The following PLD5 variants were observed in gnomAD, a reference collection of about 807,000 sequenced individuals.
PLD5 encodes the protein phospholipase D family member 5.
Under a neutral mutation model 61.1 loss-of-function variants are expected in PLD5, and 36 were observed. That is an observed-to-expected ratio of 0.59 (90% CI 0.45 to 0.78). The LOEUF (loss-of-function observed/expected upper bound fraction) is 0.78, where lower values mean the gene tolerates loss of function less well. Ranked by LOEUF, PLD5 falls within the 30% of genes least tolerant of loss-of-function variation. The pLI is 0.00. For synonymous variants in PLD5, 243 were observed against 242.8 expected (o/e 1.00, Z -0.01); for missense variants, 515 against 644.4 (o/e 0.80, Z 2.17).
intron 5 of PLD5, among the ~76,000 whole-genome samples, chr1:242,127,609 A>G (rs1427413012): frequency 6.6e-6 from 1 of 152,120 alleles, no homozygotes; most frequent in Non-Finnish European, 1.5e-5. Context: ...AACTATGAGG[A>G]TGCAAAGGCA....
intron 2 of PLD5, among the ~76,000 whole-genome samples, chr1:242,338,421 T>C (rs994826750): frequency 4.6e-5 from 7 of 151,984 alleles, no homozygotes; most frequent in African/African-American, 1.7e-4. Context: ...CTACTCATGA[T>C]TATCAGATAT....
At chr1:242,093,926 C>A (rs1660033769) in intron 9 of PLD5, among the ~76,000 whole-genome samples, 1 of 151,984 alleles carries the variant, frequency 6.6e-6, no homozygotes, top group African/African-American at 2.4e-5. Flanking sequence ...GATCCAGCAT[C>A]TTTACTGATG....
chr1:242,502,596 A>G (rs1572256366), intron 1 of PLD5, among the ~76,000 whole-genome samples: 1 of 152,328 alleles, frequency 6.6e-6, no homozygotes, highest in East Asian at 1.9e-4. Flanking sequence ...CAGGGAAATT[A>G]CAACTAATCA....
At chr1:242,399,686 G>A (rs1340104633) in intron 1 of PLD5, among the ~76,000 whole-genome samples, 2 of 151,784 alleles carry the variant, frequency 1.3e-5, no homozygotes, top group East Asian at 1.9e-4. Flanking sequence ...CCCAATCCCC[G>A]GGCTGCAAAC....
rs78892330 is a variant in PLD5 at position 242,404,275 on chromosome 1, G to A, written c.190-56033C>T. Among the ~76,000 whole-genome samples, 1,062 of 152,274 alleles carry A rather than the reference G, an allele frequency of 7.0e-3. 19 individuals carry two copies. Among genetic ancestry groups the A allele is most frequent in the African/African-American group, 0.025 (1,021 of 41,542 alleles). The stretch of plus-strand genomic sequence containing the variant: ...AGAGGTCATGGAAGGTTTTCCTGAT[G>A]AAGCTATTTTTAAGACCTTAAGAAA... On this transcript the variant is annotated intron_variant, in intron 1 of 9. Coordinates refer to ENST00000536534, the MANE Select transcript of PLD5 (RefSeq NM_001372062.1).
At chr1:242,450,221 T>G (rs929947620) in intron 1 of PLD5, among the ~76,000 whole-genome samples, 1 of 152,112 alleles carries the variant, frequency 6.6e-6, no homozygotes, top group Non-Finnish European at 1.5e-5. Flanking sequence ...CATCCAAAGC[T>G]CAGACAGGAC....
chr1:242,444,794 C>G lies in PLD5; in HGVS notation c.189+79294G>C, dbSNP rs144108511. Among the ~76,000 whole-genome samples, 638 of 46,016 alleles carry G rather than the reference C, an allele frequency of 0.014. 22 individuals are homozygous for G. The East Asian group carries it at 0.21, about 15-fold the overall frequency. The allele number at this position is 46,016 out of a possible 152,430, so 30.2% of individuals were successfully genotyped here. A position where few individuals can be genotyped will look rare whatever the true frequency, so the allele number is the denominator to read the frequency against. On this transcript the variant is annotated intron_variant, in intron 1 of 9. Transcript: ENST00000536534. ...TCTCCTAGGACACACCACATTGTCACTCACTTCTAAACACCTCATTGGACT... is the reference window on the plus strand; with the variant it reads ...TCTCCTAGGACACACCACATTGTCAGTCACTTCTAAACACCTCATTGGACT...
At chr1:242,326,146 A>AT (rs34178880) in intron 2 of PLD5, among the ~76,000 whole-genome samples, 136,102 of 152,038 alleles carry the variant, frequency 0.9, 60,997 homozygotes, top group East Asian at 0.95. Flanking sequence ...AAGTGCTGTG[A>AT]TACAGGTGTG....
intron 1 of PLD5, among the ~76,000 whole-genome samples, chr1:242,491,899 T>C (rs1369203019): frequency 1.3e-5 from 2 of 152,248 alleles, no homozygotes; most frequent in Admixed American, 6.5e-5. Context: ...TTCACCTCCA[T>C]TCTTATAATG....
intron 1 of PLD5, among the ~76,000 whole-genome samples, chr1:242,424,987 C>T (rs2102878184): frequency 6.6e-6 from 1 of 152,194 alleles, no homozygotes; most frequent in East Asian, 1.9e-4. Context: ...CAACAATTAG[C>T]TGGGTGTGGT....
chr1:242,100,321 TG>T (rs1358471035), intron 9 of PLD5, among the ~76,000 whole-genome samples: 1 of 152,206 alleles, frequency 6.6e-6, no homozygotes, highest in African/African-American at 2.4e-5. Context: ...CTTGTGGTGC[TG>T]TGGGCAGGGG....
At chr1:242,483,248 A>G (rs1667845162) in intron 1 of PLD5, among the ~76,000 whole-genome samples, 1 of 152,212 alleles carries the variant, frequency 6.6e-6, no homozygotes, top group Non-Finnish European at 1.5e-5. Flanking sequence ...GCTCCAATTA[A>G]AAGACACAGA....
intron 1 of PLD5, among the ~76,000 whole-genome samples, chr1:242,363,227 C>A (rs1661167349): frequency 6.6e-6 from 1 of 151,786 alleles, no homozygotes; most frequent in African/African-American, 2.4e-5. Context: ...TGGCGTTCCA[C>A]TCAGAGTGGA....
intron 1 of PLD5, among the ~76,000 whole-genome samples, chr1:242,376,225 C>T (rs540881279): frequency 6.6e-5 from 10 of 152,232 alleles, no homozygotes; most frequent in African/African-American, 2.2e-4. Context: ...CAAAATGGAA[C>T]TGAGGAAATC....
chr1:242,303,435 T>C (rs1676175920), intron 2 of PLD5, among the ~76,000 whole-genome samples: 2 of 152,254 alleles, frequency 1.3e-5, no homozygotes, highest in Non-Finnish European at 2.9e-5. Context: ...AGAATCATTT[T>C]TATTTCAACC....
intron 1 of PLD5, among the ~76,000 whole-genome samples, chr1:242,374,684 G>C (rs1227208582): frequency 6.6e-6 from 1 of 152,134 alleles, no homozygotes; most frequent in Non-Finnish European, 1.5e-5. Context: ...AGGAAGAAAC[G>C]TTACACAGAG....
intron 4 of PLD5, among the ~76,000 whole-genome samples, chr1:242,245,830 C>T (rs979449657): frequency 5.3e-5 from 8 of 152,232 alleles, no homozygotes; most frequent in South Asian, 4.2e-4. Flanking sequence ...TGTGGCTTCT[C>T]ACCAGGTAGA....
chr1:242,343,532 G>A (rs574950565), intron 2 of PLD5, among the ~76,000 whole-genome samples: 4 of 150,854 alleles, frequency 2.7e-5, no homozygotes, highest in Admixed American at 2.6e-4. Context: ...GCAGACCAGT[G>A]GATTTTCCTA....
At chr1:242,525,406 C>G (rs973359844), upstream of PLD5, among the ~76,000 whole-genome samples, 12 of 152,302 alleles carry the variant, frequency 7.9e-5, no homozygotes, top group Middle Eastern at 0.01. Flanking sequence ...GTGGACGTGG[C>G]CCAACTGCTG....
Sources: allele counts gnomAD v4.1 joint callset (sites outside exome capture counted in the v4.1 genomes callset), GRCh38; gene constraint gnomAD v4.1.1; transcripts MANE v1.5; gene names NCBI Gene and HGNC (gene_info 2026-07-23, HGNC 2026-07-21).